Variants in ZNF362 observed in about 807,000 individuals in gnomAD.
The protein encoded by ZNF362 is rotund homolog.
A neutral mutation model predicts 42.9 loss-of-function variants in ZNF362; 11 were observed. The ratio of observed to expected loss-of-function variants is 0.26; its 90% CI spans 0.16 to 0.42. ZNF362 has a LOEUF of 0.42. ZNF362 is among the 20% of genes least tolerant of loss of function. The pLI, the probability that ZNF362 is intolerant of heterozygous loss-of-function variation, is 1.00. For synonymous variants in ZNF362, 255 were observed against 257.3 expected, an observed-to-expected ratio of 0.99 and a Z score of 0.09; for missense variants, 362 against 576.2, an observed-to-expected ratio of 0.63 and a Z score of 3.81.
the ZNF362 span, chr1:33,143,349 AG>A: frequency 6.6e-6 from 1 of 152,370 alleles, no homozygotes; most frequent in Middle Eastern, 3.4e-3. Context: ...TGCGCCATGG[AG>A]GGGGTGCTCC....
the ZNF362 span, among the ~76,000 whole-genome samples, chr1:33,177,050 C>CACAT: frequency 3.7e-3 from 539 of 147,092 alleles, 4 homozygotes; most frequent in Admixed American, 8.8e-3. The surrounding 1 kb of genome is among the most constrained non-coding windows in gnomAD (Gnocchi z 4.1). Context: ...CACACACACA[C>CACAT]GCACACACAC....
the ZNF362 span, among the ~76,000 whole-genome samples, chr1:33,152,372 C>T: frequency 1.3e-5 from 2 of 152,142 alleles, no homozygotes; most frequent in Non-Finnish European, 2.9e-5. Flanking sequence ...TCGAGATCAG[C>T]CTGGCCAACA....
the ZNF362 span, among the ~76,000 whole-genome samples, chr1:33,149,063 C>G: frequency 6.6e-6 from 1 of 152,212 alleles, no homozygotes; most frequent in African/African-American, 2.4e-5. Flanking sequence ...CCCAGAGGCT[C>G]AATTCAAAAG....
At chr1:33,216,771 G>A in the ZNF362 span, among the ~76,000 whole-genome samples, 16 of 151,972 alleles carry the variant, frequency 1.1e-4, no homozygotes, top group East Asian at 3.1e-3. Flanking sequence ...CATGAGCCAA[G>A]GTACAGGAAG....
the ZNF362 span, among the ~76,000 whole-genome samples, chr1:33,205,398 T>A: frequency 4.6e-5 from 7 of 151,876 alleles, no homozygotes; most frequent in East Asian, 1.4e-3. Context: ...GGTGGGAGGA[T>A]CACGTGAGCC....
At chr1:33,227,928 G>C in the ZNF362 span, among the ~76,000 whole-genome samples, 1 of 152,072 alleles carries the variant, frequency 6.6e-6, no homozygotes, top group African/African-American at 2.4e-5. Context: ...TTACCTGTGA[G>C]TTCAAATTCC....
At chr1:33,293,866 A>G (rs1371798452) in intron 6 of ZNF362, among the ~76,000 whole-genome samples, 1 of 152,216 alleles carries the variant, frequency 6.6e-6, no homozygotes, top group Non-Finnish European at 1.5e-5. Context: ...TTGGGCAGGT[A>G]CAGGGTCATC....
At chr1:33,137,805 TGGCCAC>T in the ZNF362 span, among the ~76,000 whole-genome samples, 1 of 152,270 alleles carries the variant, frequency 6.6e-6, no homozygotes, top group South Asian at 2.1e-4. Flanking sequence ...GAGGGAAAGC[TGGCCAC>T]GGTACAAGGG....
At position 33,296,666 on chromosome 1, in the gene ZNF362, C is replaced by T. The variant is rs140065181; in HGVS notation, c.1146+1361C>T. Among the ~76,000 whole-genome samples, 301 of 152,202 alleles carry T rather than the reference C, an allele frequency of 2.0e-3. 1 individual carries two copies. The highest frequency in any genetic ancestry group is 6.7e-3 in the African/African-American group (280 of 41,548). ...GAGGGGAAAGAAGCTTCCATGCAGG[C>T]GAACACTGAGTGCGAACCCCCTGAG... On this transcript the variant is annotated intron_variant, in intron 8 of 8. Coordinates refer to ENST00000539719, the MANE Select transcript of ZNF362 (RefSeq NM_152493.3).
the ZNF362 span, among the ~76,000 whole-genome samples, chr1:33,169,533 C>A: frequency 2.6e-5 from 4 of 152,154 alleles, no homozygotes; most frequent in African/African-American, 9.7e-5. Context: ...GCTTCCCCCT[C>A]TCACTCTCCC....
the ZNF362 span, among the ~76,000 whole-genome samples, chr1:33,202,976 C>T: frequency 6.6e-6 from 1 of 152,124 alleles, no homozygotes; most frequent in Non-Finnish European, 1.5e-5. Flanking sequence ...ATAGTTACTC[C>T]TTTCCTTTTG....
the ZNF362 span, among the ~76,000 whole-genome samples, chr1:33,244,117 T>G: frequency 2.5e-3 from 384 of 152,134 alleles, 2 homozygotes; most frequent in Non-Finnish European, 4.1e-3. This position sits in a 1 kb window ranked among gnomAD's most constrained non-coding sequence, Gnocchi z 4.0. Flanking sequence ...TTTCAAGTGC[T>G]TTTACAAAGC....
chr1:33,193,667 A>G, the ZNF362 span, among the ~76,000 whole-genome samples: 2 of 152,210 alleles, frequency 1.3e-5, no homozygotes, highest in African/African-American at 4.8e-5. Context: ...AGAGCCTTAG[A>G]TGGGACGCAA....
At chr1:33,227,092 G>A in the ZNF362 span, among the ~76,000 whole-genome samples, 1 of 152,090 alleles carries the variant, frequency 6.6e-6, no homozygotes, top group Non-Finnish European at 1.5e-5. Context: ...TGATAAGAAT[G>A]TTCTAAAATT....
At chr1:33,267,107 C>T (rs1430928914) in intron 1 of ZNF362, among the ~76,000 whole-genome samples, 1 of 152,096 alleles carries the variant, frequency 6.6e-6, no homozygotes, top group Non-Finnish European at 1.5e-5. Context: ...GGCCCCTGTC[C>T]CTCCCTGAGC....
the ZNF362 span, among the ~76,000 whole-genome samples, chr1:33,175,520 A>C: frequency 6.6e-6 from 1 of 152,158 alleles, no homozygotes; most frequent in South Asian, 2.1e-4. Context: ...CAGTTTCCCC[A>C]TCTGCAAAAT....
upstream of ZNF362, among the ~76,000 whole-genome samples, chr1:33,256,375 C>G (rs1399122249): frequency 1.4e-5 from 2 of 140,404 alleles, no homozygotes; most frequent in South Asian, 4.6e-4. Context: ...CCGACGCGGC[C>G]CCCCCGGAGC....
At chr1:33,236,830 C>T in the ZNF362 span, among the ~76,000 whole-genome samples, 2 of 151,760 alleles carry the variant, frequency 1.3e-5, no homozygotes, top group Non-Finnish European at 2.9e-5. Context: ...CCTGTAATCC[C>T]AGCACTGAGG....
chr1:33,263,252 C>T (rs1241714211), intron 1 of ZNF362, among the ~76,000 whole-genome samples: 4 of 152,190 alleles, frequency 2.6e-5, no homozygotes, highest in African/African-American at 7.2e-5. Context: ...GCCGGCAGCC[C>T]GTTTCTGTCT....
Sources: allele counts gnomAD v4.1 joint callset (sites outside exome capture counted in the v4.1 genomes callset), GRCh38; gene constraint gnomAD v4.1.1; non-coding constraint Gnocchi (gnomAD v3.1); transcripts MANE v1.5; gene names NCBI Gene and HGNC (gene_info 2026-07-23, HGNC 2026-07-21).